ZNF236: variants seen among roughly 807,000 people sequenced by gnomAD.
The protein encoded by ZNF236 is zinc finger protein 236.
A neutral mutation model predicts 191.2 loss-of-function variants in ZNF236; 50 were observed. That is an observed-to-expected ratio of 0.26 (90% CI 0.21 to 0.33). The LOEUF is 0.33. Among genes scored for constraint, ZNF236 ranks in the 10% least tolerant of loss-of-function variants. The probability of loss-of-function intolerance (pLI) is 1.00; values close to 1 mark genes in which losing one functional copy is unlikely to be tolerated. For synonymous variants in ZNF236, 907 were observed against 928.8 expected, an observed-to-expected ratio of 0.98 and a Z score of 0.43; for missense variants, 1,754 against 2,374.5, an observed-to-expected ratio of 0.74 and a Z score of 5.43.
At chr18:76,867,982 G>GA (rs912576083) in intron 3 of ZNF236, among the ~76,000 whole-genome samples, 86 of 144,666 alleles carry the variant, frequency 5.9e-4, no homozygotes, top group Non-Finnish European at 7.6e-4. Context: ...ATTTTTAAAA[G>GA]AAAAAAAAAA....
intron 14 of ZNF236, 56 bp from the exon 15 acceptor site, chr18:76,910,012 A>C: frequency 7.5e-7 from 1 of 1,337,036 alleles, no homozygotes; most frequent in Non-Finnish European, 1.1e-6. Context: ...ACAGATTTGC[A>C]GTTGTGAAAT....
intron 11 of ZNF236, 43 bp downstream of exon 11, chr18:76,899,265 A>G (rs777448110): frequency 3.9e-6 from 6 of 1,529,160 alleles, no homozygotes; most frequent in Admixed American, 3.5e-5. Context: ...ATTGAGTACT[A>G]TTTTCTTTGA....
At chr18:76,939,106 G>A (rs1315368342) in intron 26 of ZNF236, among the ~76,000 whole-genome samples, 2 of 152,106 alleles carry the variant, frequency 1.3e-5, no homozygotes, top group Non-Finnish European at 2.9e-5. Flanking sequence ...TTGGCAAGCC[G>A]AGATGGGCTT....
chr18:76,935,577 C>T (rs547938279), intron 25 of ZNF236, among the ~76,000 whole-genome samples: 7 of 152,318 alleles, frequency 4.6e-5, no homozygotes, highest in African/African-American at 1.4e-4. Flanking sequence ...GCGCTGGCTT[C>T]GCCTTGGCTC....
chr18:76,846,724 G>A (rs746070612), intron 1 of ZNF236, among the ~76,000 whole-genome samples: 2 of 152,066 alleles, frequency 1.3e-5, no homozygotes, highest in Non-Finnish European at 1.5e-5. Flanking sequence ...GTTTGTTAAC[G>A]TGCAGAGTCT....
intron 21 of ZNF236, among the ~76,000 whole-genome samples, chr18:76,924,493 G>T (rs1364979591): frequency 6.6e-6 from 1 of 152,182 alleles, no homozygotes; most frequent in Admixed American, 6.5e-5. Context: ...GGATCCTAGT[G>T]TGCACCATCC....
Position 76,925,222 on chromosome 18 carries a change from A to G in ZNF236, c.3695A>G (p.Asn1232Ser), listed in dbSNP as rs1343621807. Residue 1232 changes from asparagine (N) to serine (S), a missense_variant, in exon 22 of 31, where the codon AAC (asparagine) becomes AGC (serine). Coordinates refer to ENST00000320610, the MANE Select transcript of ZNF236 (RefSeq NM_001306089.2). The surrounding 1 kb of genome is among the most constrained non-coding windows in gnomAD (Gnocchi z 5.7). Reference sequence around the variant, plus strand: ...CTCTTCAGCTGTCACGTCTGCAGCAACGCCTTCTCCACGAAGGGAAGTCTG... The same window carrying G: ...CTCTTCAGCTGTCACGTCTGCAGCAGCGCCTTCTCCACGAAGGGAAGTCTG... ...QKLFSCHVCS[N>S]AFSTKGSLKV... 18 of 1,614,078 alleles carry G rather than the reference A, an allele frequency of 1.1e-5. No homozygotes were observed. The highest frequency in any genetic ancestry group is 2.7e-5 in the African/African-American group (2 of 75,038).
intron 26 of ZNF236, among the ~76,000 whole-genome samples, chr18:76,942,385 A>G (rs1968152448): frequency 6.6e-6 from 1 of 152,242 alleles, no homozygotes; most frequent in Non-Finnish European, 1.5e-5. Flanking sequence ...AAAGTCATGT[A>G]AACTTATTAT....
At chr18:76,832,301 C>T (rs1975193067) in intron 1 of ZNF236, among the ~76,000 whole-genome samples, 1 of 152,082 alleles carries the variant, frequency 6.6e-6, no homozygotes, top group Non-Finnish European at 1.5e-5. Context: ...GGCTGGCCTC[C>T]AACTCCTCGC....
intron 20 of ZNF236, among the ~76,000 whole-genome samples, chr18:76,921,983 A>G (rs1380793070): frequency 1.3e-5 from 2 of 152,100 alleles, no homozygotes; most frequent in Non-Finnish European, 2.9e-5. Context: ...CACTGTTAAC[A>G]GTTTTTTGAG....
At chr18:76,839,432 A>G (rs1975419694) in intron 1 of ZNF236, among the ~76,000 whole-genome samples, 1 of 152,248 alleles carries the variant, frequency 6.6e-6, no homozygotes, top group Non-Finnish European at 1.5e-5. Flanking sequence ...ATGGGTGTGC[A>G]TCTTAAAAAG....
chr18:76,900,686 C>G (rs1367533366), intron 11 of ZNF236, among the ~76,000 whole-genome samples: 2 of 151,846 alleles, frequency 1.3e-5, no homozygotes, highest in African/African-American at 4.8e-5. Context: ...CAAAGCCGTC[C>G]TAGGAAAAAT....
rs563725088 is a variant in ZNF236 at position 76,970,851 on chromosome 18, C to G, written c.*2512C>G. 70 of 152,222 alleles carry G rather than the reference C, an allele frequency of 4.6e-4. 1 individual carries two copies. Among genetic ancestry groups the G allele is most frequent in the Non-Finnish European group, 3.7e-4 (25 of 68,046 alleles). 9.4% of individuals were successfully genotyped at this position (152,222 alleles called of 1,614,324 possible). ...TATTTTCCTTTACCTCTGTGAAGTT[C>G]AGAGGCGTTTACCCCTGCAGTGTCC... On this transcript the variant is annotated 3_prime_UTR_variant, in exon 31 of 31. Transcript: ENST00000320610.
intron 11 of ZNF236, among the ~76,000 whole-genome samples, chr18:76,903,278 G>A (rs1436171168): frequency 1.3e-5 from 2 of 152,212 alleles, no homozygotes; most frequent in East Asian, 1.9e-4. Context: ...AGACATTGGA[G>A]TGGTGTTGAT....
At chr18:76,895,998 A>G (rs534991697) in intron 10 of ZNF236, among the ~76,000 whole-genome samples, 1 of 152,162 alleles carries the variant, frequency 6.6e-6, no homozygotes, top group African/African-American at 2.4e-5. Flanking sequence ...GGCACTGGCC[A>G]CAGGGACCGT....
intron 1 of ZNF236, among the ~76,000 whole-genome samples, chr18:76,837,979 A>G (rs1384118022): frequency 6.6e-6 from 1 of 152,242 alleles, no homozygotes; most frequent in African/African-American, 2.4e-5. Flanking sequence ...TTATTTGTGT[A>G]TCACTTAACG....
At chr18:76,928,616 C>T (rs2122848267) in intron 25 of ZNF236, among the ~76,000 whole-genome samples, 1 of 152,282 alleles carries the variant, frequency 6.6e-6, no homozygotes, top group African/African-American at 2.4e-5. Flanking sequence ...CTAAAACTGG[C>T]AATCTAATTC....
intron 14 of ZNF236, among the ~76,000 whole-genome samples, chr18:76,909,666 G>A (rs1049671627): frequency 7.2e-5 from 11 of 152,230 alleles, no homozygotes; most frequent in Admixed American, 7.2e-4. Context: ...ACACAGGCAT[G>A]TCAGCAAACA....
chr18:76,897,099 GCACACAGTACTA>G (rs760615583), intron 10 of ZNF236, among the ~76,000 whole-genome samples: 2 of 150,744 alleles, frequency 1.3e-5, no homozygotes, highest in Non-Finnish European at 3.0e-5. Context: ...CATAGGGACT[GCACACAGTACTA>G]CACACAGTAC....
Sources: allele counts gnomAD v4.1 joint callset (sites outside exome capture counted in the v4.1 genomes callset), GRCh38; gene constraint gnomAD v4.1.1; non-coding constraint Gnocchi (gnomAD v3.1); transcripts MANE v1.5; gene names NCBI Gene and HGNC (gene_info 2026-07-23, HGNC 2026-07-21).